The following STXBP4 variants were observed in gnomAD, a reference collection of about 807,000 sequenced individuals.
The protein encoded by STXBP4 is syntaxin binding protein 4, also known as syntaxin-binding protein 4.
A neutral mutation model predicts 76.1 loss-of-function variants in STXBP4; 55 were observed. The ratio of observed to expected loss-of-function variants is 0.72; its 90% confidence interval spans 0.58 to 0.91. The LOEUF (loss-of-function observed/expected upper bound fraction) is 0.91. STXBP4 is among the 40% of genes least tolerant of loss of function. The pLI, the probability that STXBP4 is intolerant of heterozygous loss-of-function variation, is 0.00. For missense variants in STXBP4, 618 were observed against 636.9 expected, an observed-to-expected ratio of 0.97 and a Z score of 0.32; for synonymous variants, 201 against 220.2, an observed-to-expected ratio of 0.91 and a Z score of 0.77.
At chr17:54,977,151 ACCC>A (rs1228639601) in intron 1 of STXBP4, among the ~76,000 whole-genome samples, 3 of 152,210 alleles carry the variant, frequency 2.0e-5, no homozygotes, top group Non-Finnish European at 1.5e-5. Flanking sequence ...TTTTGGTAAC[ACCC>A]CCAAGACAAA....
At position 55,169,499 on chromosome 17, in the gene STXBP4, G is replaced by A. The variant is rs1240587832; in HGVS notation, c.*9588G>A. ...TGAATGTTGAGAGTGAAAGCACAGGGAGCTGTCATGCATGAGAGTGGTAGA... is the reference window on the plus strand; with the variant it reads ...TGAATGTTGAGAGTGAAAGCACAGGAAGCTGTCATGCATGAGAGTGGTAGA... On this transcript the variant is annotated 3_prime_UTR_variant, in exon 18 of 18. Transcript: ENST00000376352. 1 of 152,210 alleles carries A rather than the reference G, an allele frequency of 6.6e-6. No homozygotes were observed. The highest frequency in any genetic ancestry group is 1.9e-4 in the East Asian group (1 of 5,190). 9.4% of individuals were successfully genotyped at this position (152,210 alleles called of 1,614,324 possible).
chr17:55,028,652 T>C (rs1598229262), intron 8 of STXBP4, among the ~76,000 whole-genome samples: 2 of 152,290 alleles, frequency 1.3e-5, no homozygotes, highest in Admixed American at 1.3e-4. Flanking sequence ...AGATACTTCT[T>C]AAAACCTCAT....
At chr17:55,019,055 A>T (rs1329998780) in intron 8 of STXBP4, among the ~76,000 whole-genome samples, 1 of 152,182 alleles carries the variant, frequency 6.6e-6, no homozygotes, top group East Asian at 1.9e-4. Context: ...GGATTAGTTA[A>T]TTGTTTTCTG....
At chr17:55,103,255 T>C (rs1247404374) in intron 16 of STXBP4, among the ~76,000 whole-genome samples, 1 of 152,262 alleles carries the variant, frequency 6.6e-6, no homozygotes, top group East Asian at 1.9e-4. Flanking sequence ...AGGATTTTTA[T>C]GATTTTATGT....
chr17:54,989,396 G>T (rs1174581323), intron 3 of STXBP4, among the ~76,000 whole-genome samples: 2 of 152,148 alleles, frequency 1.3e-5, no homozygotes, highest in African/African-American at 2.4e-5. Context: ...TGCCCAGCCA[G>T]AAGTATTTCT....
chr17:55,135,918 A>G (rs2080023788), intron 16 of STXBP4, among the ~76,000 whole-genome samples: 1 of 152,150 alleles, frequency 6.6e-6, no homozygotes, highest in African/African-American at 2.4e-5. Flanking sequence ...AACAGGAGTT[A>G]GGGAAAAGAA....
the STXBP4 span, among the ~76,000 whole-genome samples, chr17:55,198,660 C>T: frequency 6.6e-6 from 1 of 152,134 alleles, no homozygotes; most frequent in African/African-American, 2.4e-5. Flanking sequence ...TTAAATGAAG[C>T]AGATCTGATA....
chr17:55,203,817 T>C, the STXBP4 span, among the ~76,000 whole-genome samples: 14 of 152,260 alleles, frequency 9.2e-5, no homozygotes, highest in African/African-American at 3.4e-4. Flanking sequence ...TGGCCATCAG[T>C]CTTTCTTGTG....
At chr17:55,052,941 GTGTGT>G (rs2078878173) in intron 12 of STXBP4, among the ~76,000 whole-genome samples, 1 of 143,324 alleles carries the variant, frequency 7.0e-6, no homozygotes, top group South Asian at 2.3e-4. Flanking sequence ...GTGTGTGTGT[GTGTGT>G]GTGTGGGTTG....
intron 16 of STXBP4, among the ~76,000 whole-genome samples, chr17:55,101,975 C>CTT (rs10679217): frequency 0.79 from 120,408 of 151,956 alleles, 48,243 homozygotes; most frequent in East Asian, 0.91. Context: ...GTTTTTATAA[C>CTT]GACAATAATT....
intron 16 of STXBP4, among the ~76,000 whole-genome samples, chr17:55,114,097 G>GT (rs1282434292): frequency 2.6e-5 from 4 of 151,804 alleles, no homozygotes; most frequent in South Asian, 4.2e-4. Flanking sequence ...TATTTATTCT[G>GT]TTTTTTCCCT....
chr17:55,070,160 G>A (rs1476525973), intron 12 of STXBP4, among the ~76,000 whole-genome samples: 1 of 152,162 alleles, frequency 6.6e-6, no homozygotes, highest in Non-Finnish European at 1.5e-5. Context: ...TCTTAGCTCT[G>A]TCACTTACTA....
intron 12 of STXBP4, among the ~76,000 whole-genome samples, chr17:55,070,686 T>C (rs111263031): frequency 6.6e-6 from 1 of 152,196 alleles, no homozygotes; most frequent in Non-Finnish European, 1.5e-5. Context: ...CTGCCATTTC[T>C]ACCAGAGCCT....
At chr17:55,042,653 A>G (rs2078722199) in intron 10 of STXBP4, among the ~76,000 whole-genome samples, 1 of 152,068 alleles carries the variant, frequency 6.6e-6, no homozygotes, top group Non-Finnish European at 1.5e-5. Flanking sequence ...TGTACGAGAT[A>G]TGGTCATCTC....
chr17:55,181,538 C>G, the STXBP4 span, among the ~76,000 whole-genome samples: 2 of 152,042 alleles, frequency 1.3e-5, no homozygotes, highest in South Asian at 4.2e-4. Flanking sequence ...CTCCTTGGTT[C>G]CCATAAGAAG....
intron 1 of STXBP4, among the ~76,000 whole-genome samples, chr17:54,969,976 G>T (rs2077366738): frequency 6.6e-6 from 1 of 152,232 alleles, no homozygotes; most frequent in Non-Finnish European, 1.5e-5. Context: ...AGAAGCGGTA[G>T]TAAAGTAAGG....
chr17:55,161,137 T>C lies in STXBP4; in HGVS notation c.*1226T>C, dbSNP rs371622409. Reference sequence around the variant, plus strand: ...TGAGATCTTAAGTCTCCTAGTCTACTGAATTTCATATGGTGTATAATACAG... The same window carrying C: ...TGAGATCTTAAGTCTCCTAGTCTACCGAATTTCATATGGTGTATAATACAG... On this transcript the variant is annotated 3_prime_UTR_variant, in exon 18 of 18. Coordinates refer to ENST00000376352, the MANE Select transcript of STXBP4 (RefSeq NM_178509.6). 2.6e-5 allele frequency: 4 copies of C among 152,238 alleles called. No homozygotes were observed. Among genetic ancestry groups the C allele is most frequent in the African/African-American group, 9.6e-5 (4 of 41,462 alleles). 9.4% of individuals were successfully genotyped at this position (152,238 alleles called of 1,614,324 possible). A position where few individuals can be genotyped will look rare whatever the true frequency, so the allele number is the denominator to read the frequency against.
intron 16 of STXBP4, among the ~76,000 whole-genome samples, chr17:55,117,099 G>A (rs1327142671): frequency 1.3e-5 from 2 of 151,666 alleles, no homozygotes; most frequent in African/African-American, 2.4e-5. Context: ...TTGTGTGTAC[G>A]TGAATTTCTT....
the STXBP4 span, among the ~76,000 whole-genome samples, chr17:55,187,549 A>G: frequency 3.3e-5 from 5 of 152,174 alleles, no homozygotes; most frequent in African/African-American, 1.2e-4. Flanking sequence ...GAGATGGATG[A>G]TATAGCATCC....
Sources: allele counts gnomAD v4.1 joint callset (sites outside exome capture counted in the v4.1 genomes callset), GRCh38; gene constraint gnomAD v4.1.1; transcripts MANE v1.5; gene names NCBI Gene and HGNC (gene_info 2026-07-23, HGNC 2026-07-21).